The following MAP3K5 variants were observed in gnomAD, a reference collection of about 807,000 sequenced individuals.
The protein encoded by MAP3K5 is mitogen-activated protein kinase kinase kinase 5, also known as ASK-1.
In MAP3K5, 56 loss-of-function variants were observed where a neutral mutation model predicts 158.7. The ratio of observed to expected loss-of-function variants is 0.35; its 90% CI spans 0.28 to 0.44. The LOEUF (loss-of-function observed/expected upper bound fraction) is 0.44. MAP3K5 is among the 20% of genes least tolerant of loss of function. The pLI is 1.00. For synonymous variants in MAP3K5, 579 were observed against 601.7 expected, an observed-to-expected ratio of 0.96 and a Z score of 0.55; for missense variants, 1,294 against 1,674.8, an observed-to-expected ratio of 0.77 and a Z score of 3.97.
At chr6:136,623,877 G>C (rs1186876727) in intron 14 of MAP3K5, among the ~76,000 whole-genome samples, 1 of 152,196 alleles carries the variant, frequency 6.6e-6, no homozygotes, top group Non-Finnish European at 1.5e-5. Context: ...CCTCACAGCA[G>C]GGTCTGAGTT....
intron 1 of MAP3K5, among the ~76,000 whole-genome samples, chr6:136,769,767 GGAAGGAAGGAAGGA>G (rs1784106658): frequency 6.3e-4 from 27 of 42,648 alleles, no homozygotes; most frequent in African/African-American, 1.9e-3. Context: ...AAGGAAGGAA[GGAAGGAAGGAAGGA>G]AGGAAGGAAG....
chr6:136,651,522 A>T (rs566112949), intron 10 of MAP3K5, among the ~76,000 whole-genome samples: 2 of 152,222 alleles, frequency 1.3e-5, no homozygotes, highest in East Asian at 3.8e-4. Context: ...CTGCTATCAC[A>T]CTTTATCATA....
intron 10 of MAP3K5, among the ~76,000 whole-genome samples, chr6:136,654,638 G>A (rs1431262771): frequency 6.6e-6 from 1 of 152,050 alleles, no homozygotes; most frequent in Non-Finnish European, 1.5e-5. Context: ...TAGAGACAGG[G>A]TTTCTCCATG....
rs542325845 is a variant in MAP3K5 at position 136,713,471 on chromosome 6, C to A, written c.588+6979G>T. On this transcript the variant is annotated intron_variant, in intron 2 of 29. Transcript: ENST00000359015. ...TTGACATCCAAGAAAGCTGAATTCT[C>A]CAGTCTTGAGTCCCTTTAATAACCT... Among the ~76,000 whole-genome samples, 8 of 152,296 alleles carry A rather than the reference C, an allele frequency of 5.3e-5. No individual in the cohort carries two copies. The South Asian group carries it at 1.7e-3, about 32-fold the overall frequency.
intron 20 of MAP3K5, 51 bp from the exon 21 acceptor site, chr6:136,601,093 G>C: frequency 1.3e-6 from 2 of 1,595,606 alleles, no homozygotes; most frequent in Non-Finnish European, 1.7e-6. Context: ...TGGGTTTGTT[G>C]TTAAACTGAG....
chr6:136,722,322 T>A (rs911835011), intron 1 of MAP3K5, among the ~76,000 whole-genome samples: 1 of 152,318 alleles, frequency 6.6e-6, no homozygotes, highest in South Asian at 2.1e-4. Context: ...ATAACAAATT[T>A]AAAAGAAGAT....
At chr6:136,658,327 T>G (rs2114455629) in intron 9 of MAP3K5, among the ~76,000 whole-genome samples, 1 of 144,406 alleles carries the variant, frequency 6.9e-6, no homozygotes, top group South Asian at 2.2e-4. Flanking sequence ...TTTTTTTTTT[T>G]TTTTTGAGAC....
chr6:136,711,579 T>C (rs1461924275), intron 2 of MAP3K5, among the ~76,000 whole-genome samples: 2 of 151,586 alleles, frequency 1.3e-5, no homozygotes, highest in African/African-American at 4.9e-5. Context: ...GATGGGAGGA[T>C]TGCTTGAACC....
intron 10 of MAP3K5, among the ~76,000 whole-genome samples, chr6:136,651,851 T>G (rs1200651311): frequency 6.6e-6 from 1 of 152,142 alleles, no homozygotes; most frequent in Admixed American, 6.5e-5. Context: ...TGAATAATAC[T>G]AAAATAACAC....
chr6:136,698,801 A>G, intron 3 of MAP3K5, 119 bp from the exon 4 acceptor site: 1 of 688,364 alleles, frequency 1.5e-6, no homozygotes, highest in African/African-American at 1.8e-5. Context: ...GAAAAGCCTC[A>G]TTATTTATTT....
At chr6:136,752,203 C>A (rs766814912) in intron 1 of MAP3K5, among the ~76,000 whole-genome samples, 15 of 152,186 alleles carry the variant, frequency 9.9e-5, no homozygotes, top group Admixed American at 2.6e-4. Context: ...CAGAGATGAT[C>A]AAGTCATAGT....
intron 14 of MAP3K5, among the ~76,000 whole-genome samples, chr6:136,633,905 G>A (rs1458536766): frequency 3.9e-5 from 6 of 152,142 alleles, no homozygotes; most frequent in African/African-American, 7.2e-5. Context: ...AATAATTGAC[G>A]CATGTATTGA....
chr6:136,645,156 C>A (rs1156341428), intron 11 of MAP3K5, among the ~76,000 whole-genome samples: 1 of 152,146 alleles, frequency 6.6e-6, no homozygotes, highest in Non-Finnish European at 1.5e-5. Context: ...TGGTCTTGAA[C>A]TCCTGGCCTC....
At chr6:136,654,290 T>A (rs946119259) in intron 10 of MAP3K5, among the ~76,000 whole-genome samples, 2 of 152,212 alleles carry the variant, frequency 1.3e-5, no homozygotes, top group Non-Finnish European at 2.9e-5. Flanking sequence ...TGCTCTTGTC[T>A]CCACAATGGT....
chr6:136,629,648 C>G (rs1019007687), intron 14 of MAP3K5, among the ~76,000 whole-genome samples: 36 of 152,028 alleles, frequency 2.4e-4, no homozygotes, highest in African/African-American at 8.7e-4. Context: ...TAGAGATGGG[C>G]TTTCACCTTG....
intron 1 of MAP3K5, among the ~76,000 whole-genome samples, chr6:136,769,811 G>GGGAGGGAGGGA (rs1562691284): frequency 1.1e-4 from 4 of 35,740 alleles, no homozygotes; most frequent in Non-Finnish European, 1.2e-4. Flanking sequence ...GAGGGAGGGA[G>GGGAGGGAGGGA]GGGACGGGAG....
chr6:136,759,454 C>CTACATATATATATA (rs1554314852), intron 1 of MAP3K5, among the ~76,000 whole-genome samples: 1 of 98,126 alleles, frequency 1.0e-5, no homozygotes, highest in Non-Finnish European at 2.1e-5. Flanking sequence ...TATACTAAAA[C>CTACATATATATATA]TATATATATA....
intron 15 of MAP3K5, among the ~76,000 whole-genome samples, chr6:136,616,561 C>T (rs1776574752): frequency 6.6e-6 from 1 of 152,080 alleles, no homozygotes; most frequent in Non-Finnish European, 1.5e-5. Context: ...CCCACCTCAG[C>T]CTCCCAAAGG....
chr6:136,562,116 C>T (rs1830542664), intron 27 of MAP3K5, among the ~76,000 whole-genome samples: 1 of 152,120 alleles, frequency 6.6e-6, no homozygotes, highest in African/African-American at 2.4e-5. Context: ...CATCTTTATT[C>T]TATTTAAGCC....
Sources: allele counts gnomAD v4.1 joint callset (sites outside exome capture counted in the v4.1 genomes callset), GRCh38; gene constraint gnomAD v4.1.1; transcripts MANE v1.5; gene names NCBI Gene and HGNC (gene_info 2026-07-23, HGNC 2026-07-21).